Variants in CELSR1 observed in about 807,000 individuals in gnomAD.
The protein encoded by CELSR1 is adhesion G protein-coupled receptor C1.
Under a neutral mutation model 249.1 loss-of-function variants are expected in CELSR1, and 110 were observed. The observed-to-expected ratio is 0.44, with a 90% CI of 0.38 to 0.52. The LOEUF is 0.52. Ranked by LOEUF, CELSR1 falls within the 20% of genes least tolerant of loss-of-function variation. CELSR1 has a pLI of 0.00. For missense variants in CELSR1, 4,109 were observed against 4,296.4 expected (o/e 0.96, Z 1.22); for synonymous variants, 2,113 against 1,900.0 (o/e 1.11, Z -2.92).
In CELSR1 at chr22:46,535,542, CG is replaced by C; in HGVS notation, c.1628del (p.Pro543ArgfsTer24). On this transcript the variant is annotated frameshift_variant, in exon 1 of 35. Transcript: ENST00000674500. LOFTEE classifies it high-confidence loss of function. ...SIKAQDGGRP[P>X]LINSSGVVSV... is the part of the protein sequence containing the mutation. ...ACACCACCCCTGAAGAATTGATGAG[CG>C]GGGGCCGGCCCCCATCCTGGGCCTT... The C allele has an allele frequency of 2.5e-6, 4 of 1,613,216 alleles. No individual in the cohort carries two copies. The highest frequency in any genetic ancestry group is 3.4e-6 in the Non-Finnish European group (4 of 1,179,994).
chr22:46,477,178 A>G (rs1221694994), intron 1 of CELSR1, among the ~76,000 whole-genome samples: 2 of 152,174 alleles, frequency 1.3e-5, no homozygotes, highest in Admixed American at 1.3e-4. Flanking sequence ...CCCCCACCTT[A>G]AAGATGCTGA....
rs2078967893 is a variant in CELSR1, at chr22:46,380,673, AAC to A, written c.7256+113_7256+114del. On this transcript the variant is annotated intron_variant, in intron 22 of 34. Coordinates refer to ENST00000674500, the MANE Select transcript of CELSR1 (RefSeq NM_001378328.1). The surrounding 1 kb of genome is among the most constrained non-coding windows in gnomAD (Gnocchi z 5.1). ...GCCCCCACGGGGGACTTAAAGGGGA[AAC>A]ACAGACCACAAGAGACCGTCCTCTT... 4.8e-6 allele frequency: 6 copies of A among 1,257,576 alleles called. No homozygotes were observed. The highest frequency in any genetic ancestry group is 3.0e-5 in the African/African-American group (2 of 66,926). The allele number at this position is 1,257,576 out of a possible 1,614,324, so 77.9% of individuals were successfully genotyped here.
At chr22:46,372,833 G>T (rs777419360) in intron 25 of CELSR1, 50 bp downstream of exon 25, 2 of 1,552,012 alleles carry the variant, frequency 1.3e-6, no homozygotes, top group Non-Finnish European at 1.7e-6. Context: ...CACAGCTGGG[G>T]TCTGTTGGAA....
chr22:46,364,668 C>CCTTG lies in CELSR1; in HGVS notation c.8622_8623insCAAG (p.Asp2875GlnfsTer45). ...TTCAGGCGGGGCTTGCCGCTGGGGT[C>CCTTG]CTCACTGTCACTCTCAGCCAGGCTC... On this transcript the variant is annotated frameshift_variant, in exon 33 of 35. Transcript: ENST00000674500. LOFTEE classifies it high-confidence loss of function. 6.2e-7 allele frequency: 1 copy of CCTTG among 1,612,660 alleles called. No homozygotes were observed. Among genetic ancestry groups the CCTTG allele is most frequent in the Non-Finnish European group, 8.5e-7 (1 of 1,179,912 alleles).
chr22:46,520,064 G>T (rs1388438050), intron 1 of CELSR1, among the ~76,000 whole-genome samples: 1 of 151,658 alleles, frequency 6.6e-6, no homozygotes, highest in African/African-American at 2.4e-5. Context: ...AGTAGAGATG[G>T]GGTTTCACCA....
intron 1 of CELSR1, among the ~76,000 whole-genome samples, chr22:46,475,027 C>T (rs186473681): frequency 2.3e-4 from 35 of 152,214 alleles, no homozygotes; most frequent in Middle Eastern, 3.4e-3. Flanking sequence ...TCTAGAGCTT[C>T]AAATCATTCA....
At chr22:46,508,463 G>A (rs920472351) in intron 1 of CELSR1, among the ~76,000 whole-genome samples, 5 of 88,334 alleles carry the variant, frequency 5.7e-5, no homozygotes, top group Admixed American at 1.8e-4. Context: ...CTGTCCCCTC[G>A]CTGTCCCCTC....
chr22:46,424,359 G>A (rs1024782924), intron 5 of CELSR1, among the ~76,000 whole-genome samples: 4 of 152,052 alleles, frequency 2.6e-5, no homozygotes, highest in South Asian at 4.1e-4. Flanking sequence ...GGTTACAGGC[G>A]TGAGCCACCA....
intron 1 of CELSR1, among the ~76,000 whole-genome samples, chr22:46,499,654 C>A (rs921455428): frequency 2.0e-5 from 3 of 152,156 alleles, no homozygotes; most frequent in Admixed American, 6.6e-5. Context: ...TGTAACATGA[C>A]CCACACCCCC....
rs2078977936 is a variant in CELSR1 at position 46,381,553 on chromosome 22, GTCC to G, written c.7088+290_7088+292del. On this transcript the variant is annotated intron_variant, in intron 21 of 34. Transcript: ENST00000674500. This position sits in a 1 kb window ranked among gnomAD's most constrained non-coding sequence, Gnocchi z 6.0. ...GCCAGGTGTGTGGGGACAGAATGGG[GTCC>G]CTCTGGGCACAAGATGGGGTGTATG... 6.6e-6 allele frequency among the ~76,000 whole-genome samples: 1 copy of G among 152,200 alleles called. No individual in the cohort carries two copies. The highest frequency in any genetic ancestry group is 1.9e-4 in the East Asian group (1 of 5,204).
At position 46,367,642 on chromosome 22, in the gene CELSR1, C is replaced by T. The variant is rs528954265; in HGVS notation, c.8079+87G>A. 2.7e-6 allele frequency: 4 copies of T among 1,509,038 alleles called. No homozygotes were observed. In the South Asian group the frequency reaches 3.8e-5, roughly 14 times the overall value. The allele number at this position is 1,509,038 out of a possible 1,614,324, so 93.5% of individuals were successfully genotyped here. The stretch of plus-strand genomic sequence containing the variant: ...GGACCCAGGCAGGGCTGGTTTGGGA[C>T]CGCAGAGGCCTCCACTGCTTCGCAT... On this transcript the variant is annotated intron_variant, in intron 28 of 34. Coordinates refer to ENST00000674500, the MANE Select transcript of CELSR1 (RefSeq NM_001378328.1).
intron 1 of CELSR1, among the ~76,000 whole-genome samples, chr22:46,519,091 C>T (rs529390968): frequency 1.3e-5 from 2 of 151,754 alleles, no homozygotes; most frequent in Non-Finnish European, 1.5e-5. Flanking sequence ...GCGCTGTGCA[C>T]GACCCGGAAA....
In CELSR1 at chr22:46,412,596, T is replaced by C. The variant is rs918237460; in HGVS notation, c.4612-837A>G. 2.6e-5 allele frequency among the ~76,000 whole-genome samples: 4 copies of C among 152,104 alleles called. No individual in the cohort carries two copies. Among genetic ancestry groups the C allele is most frequent in the South Asian group, 4.2e-4 (2 of 4,818 alleles). ...AACCTTTCCCTTCTCCAAGAGACTG[T>C]GGTTTGCCATCCGGGGACGAGCCCA... is the stretch of plus-strand genomic sequence containing the variant. On this transcript the variant is annotated intron_variant, in intron 5 of 34. Coordinates refer to ENST00000674500, the MANE Select transcript of CELSR1 (RefSeq NM_001378328.1). The surrounding 1 kb of genome is among the most constrained non-coding windows in gnomAD (Gnocchi z 4.5).
Position 46,534,407 on chromosome 22 carries a change from C to A in CELSR1, c.2764G>T (p.Gly922Cys). The change falls in exon 1 of 35, where the codon GGT (glycine) becomes TGT (cysteine). Residue 922 changes from glycine (G) to cysteine (C), a missense_variant. Physicochemically the swap from Gly to Cys is radical, Grantham distance 159. This residue lies in a region of CELSR1 where 886 missense variants were observed against 896.5 expected (regional missense o/e 0.99). Transcript: ENST00000674500. This position sits in a 1 kb window ranked among gnomAD's most constrained non-coding sequence, Gnocchi z 9.7. ...LQVSATDRDS[G>C]PNGRLLYTFQ... The stretch of plus-strand genomic sequence containing the variant: ...GTGTACAGCAGACGCCCATTGGGAC[C>A]TGAGTCCCGGTCCGTGGCAGAGACC... 6.2e-7 allele frequency: 1 copy of A among 1,612,930 alleles called. No homozygotes were observed.
At position 46,365,759 on chromosome 22, in the gene CELSR1, G is replaced by T. The variant is rs1031147106; in HGVS notation, c.8301-70C>A. Reference sequence around the variant, plus strand: ...ACAGGAGGTGCTGGAAAGTTCTCTGGAAGATTCTCTGCCCCTACCCCTTCT... The same window carrying T: ...ACAGGAGGTGCTGGAAAGTTCTCTGTAAGATTCTCTGCCCCTACCCCTTCT... On this transcript the variant is annotated intron_variant, in intron 30 of 34. Transcript: ENST00000674500. The T allele has an allele frequency of 9.0e-6, 11 of 1,215,996 alleles. 1 individual carries two copies. In the South Asian group the frequency reaches 1.3e-4, roughly 15 times the overall value. The allele number at this position is 1,215,996 out of a possible 1,614,324, so 75.3% of individuals were successfully genotyped here.
At position 46,373,072 on chromosome 22, in the gene CELSR1, G is replaced by GCCGC. The variant is rs760911358; in HGVS notation, c.7585-19_7585-16dup. 6.3e-7 allele frequency: 1 copy of GCCGC among 1,577,660 alleles called. No homozygotes were observed. The highest frequency in any genetic ancestry group is 8.6e-7 in the Non-Finnish European group (1 of 1,159,408). The stretch of plus-strand genomic sequence containing the variant: ...GTGCACAGAAACTGCGCAGGGAGGG[G>GCCGC]CCGCTCAGCAAGGGCCCCTGCATCC... On this transcript the variant is annotated splice_polypyrimidine_tract_variant and intron_variant, in intron 24 of 34. Transcript: ENST00000674500.
intron 1 of CELSR1, among the ~76,000 whole-genome samples, chr22:46,523,791 C>A (rs1371095460): frequency 6.6e-6 from 1 of 152,072 alleles, no homozygotes; most frequent in African/African-American, 2.4e-5. Context: ...CAGTGACATG[C>A]CTGCCTCCCT....
At position 46,390,322 on chromosome 22, in the gene CELSR1, A is replaced by ACG. The variant is rs1483637973; in HGVS notation, c.6345+69_6345+70insCG. On this transcript the variant is annotated intron_variant, in intron 17 of 34. Coordinates refer to ENST00000674500, the MANE Select transcript of CELSR1 (RefSeq NM_001378328.1). This position sits in a 1 kb window ranked among gnomAD's most constrained non-coding sequence, Gnocchi z 6.3. ...CCCCAGCCCAGGAGCCTCGGCCCAC[A>ACG]CAAACTCTCTCACGCATACACGAAC... is the stretch of plus-strand genomic sequence containing the variant. 2 of 1,294,244 alleles carry ACG rather than the reference A, an allele frequency of 1.5e-6. No individual in the cohort carries two copies. The highest frequency in any genetic ancestry group is 2.2e-6 in the Non-Finnish European group (2 of 925,778). The allele number at this position is 1,294,244 out of a possible 1,614,324, so 80.2% of individuals were successfully genotyped here.
Position 46,436,065 on chromosome 22 carries a change from G to C in CELSR1, c.4522+109C>G, listed in dbSNP as rs1304559400. Reference sequence around the variant, plus strand: ...ACAGCTTCCTAGACCTACAAGTGAGGGATGAAAGGGTAAGCAGCTTGGAGG... The same window carrying C: ...ACAGCTTCCTAGACCTACAAGTGAGCGATGAAAGGGTAAGCAGCTTGGAGG... On this transcript the variant is annotated intron_variant, in intron 4 of 34. Coordinates refer to ENST00000674500, the MANE Select transcript of CELSR1 (RefSeq NM_001378328.1). The surrounding 1 kb of genome is among the most constrained non-coding windows in gnomAD (Gnocchi z 5.9). 5 of 767,278 alleles carry C rather than the reference G, an allele frequency of 6.5e-6. No homozygotes were observed. The highest frequency in any genetic ancestry group is 1.1e-5 in the Non-Finnish European group (5 of 458,910). The allele number at this position is 767,278 out of a possible 1,614,324, so 47.5% of individuals were successfully genotyped here.
Sources: allele counts gnomAD v4.1 joint callset (sites outside exome capture counted in the v4.1 genomes callset), GRCh38; gene constraint gnomAD v4.1.1; regional missense constraint gnomAD v4.1.1; non-coding constraint Gnocchi (gnomAD v3.1); transcripts MANE v1.5; gene names NCBI Gene and HGNC (gene_info 2026-07-23, HGNC 2026-07-21).